TMEM182: variants seen among roughly 807,000 people sequenced by gnomAD.
The protein encoded by TMEM182 is transmembrane protein 182.
In TMEM182, 20 loss-of-function variants were observed where a neutral mutation model predicts 26.8. That is an observed-to-expected ratio of 0.75 (90% CI 0.53 to 1.09). TMEM182 has a LOEUF of 1.09. TMEM182 is among the 50% of genes least tolerant of loss of function. TMEM182 has a pLI of 0.00. For synonymous variants in TMEM182, 109 were observed against 102.2 expected (o/e 1.07, Z -0.40); for missense variants, 277 against 275.5 (o/e 1.01, Z -0.04).
Position 102,816,610 on chromosome 2 carries a change from G to A in TMEM182, c.*1642G>A. The stretch of plus-strand genomic sequence containing the variant: ...AGTGATATCATTGAAACGTTTTTGT[G>A]GTACTTCCCTTTGTCTTTCACTGTT... On this transcript the variant is annotated 3_prime_UTR_variant, in exon 5 of 5. Coordinates refer to ENST00000412401, the MANE Select transcript of TMEM182 (RefSeq NM_144632.5). The A allele has an allele frequency of 1.0e-6, 1 of 985,082 alleles. No individual in the cohort carries two copies. The highest frequency in any genetic ancestry group is 1.2e-6 in the Non-Finnish European group (1 of 829,786). The allele number at this position is 985,082 out of a possible 1,614,324, so 61.0% of individuals were successfully genotyped here.
intron 3 of TMEM182, among the ~76,000 whole-genome samples, chr2:102,833,544 G>A (rs1683188562): frequency 6.6e-6 from 1 of 152,164 alleles, no homozygotes; most frequent in African/African-American, 2.4e-5. Flanking sequence ...GGAAACCATG[G>A]TTCAACTCTC....
chr2:102,739,886 G>A (rs769502978), intron 1 of TMEM182, among the ~76,000 whole-genome samples: 21 of 152,112 alleles, frequency 1.4e-4, no homozygotes, highest in Non-Finnish European at 2.4e-4. Flanking sequence ...GCTGTGTCAT[G>A]AGTGATAAAA....
intron 3 of TMEM182, among the ~76,000 whole-genome samples, chr2:102,764,808 A>G (rs1680362616): frequency 6.6e-6 from 1 of 151,302 alleles, no homozygotes; most frequent in Non-Finnish European, 1.5e-5. Flanking sequence ...ATCATTACAC[A>G]TGAGAATATC....
At chr2:102,812,549 A>G (rs1682594245) in intron 4 of TMEM182, among the ~76,000 whole-genome samples, 1 of 152,144 alleles carries the variant, frequency 6.6e-6, no homozygotes, top group African/African-American at 2.4e-5. Flanking sequence ...CCTTCTTTTA[A>G]ATGGAATTTC....
chr2:102,839,471 A>AAT (rs1553446277), intron 3 of TMEM182, among the ~76,000 whole-genome samples: 1 of 134,888 alleles, frequency 7.4e-6, no homozygotes, highest in Admixed American at 7.5e-5. Context: ...ATATATATAT[A>AAT]ATATATACAC....
At chr2:102,839,334 ATTTCT>A (rs1426031134) in intron 3 of TMEM182, among the ~76,000 whole-genome samples, 2 of 151,736 alleles carry the variant, frequency 1.3e-5, no homozygotes, top group African/African-American at 4.8e-5. Context: ...CTGATTTCCG[ATTTCT>A]TTGCTTTTAG....
chr2:102,798,936 CTAATT>C (rs1335573297), intron 4 of TMEM182, among the ~76,000 whole-genome samples: 1 of 152,062 alleles, frequency 6.6e-6, no homozygotes, highest in Non-Finnish European at 1.5e-5. Flanking sequence ...AGGTTTCTAA[CTAATT>C]TAATTTCTGC....
intron 2 of TMEM182, among the ~76,000 whole-genome samples, chr2:102,763,480 A>G (rs561261849): frequency 2.0e-5 from 3 of 152,226 alleles, no homozygotes; most frequent in Non-Finnish European, 4.4e-5. Flanking sequence ...TGGTATTTAC[A>G]TAATAGTCAG....
intron 1 of TMEM182, among the ~76,000 whole-genome samples, chr2:102,748,643 T>C (rs79130935): frequency 0.012 from 1,856 of 152,330 alleles, 34 homozygotes; most frequent in African/African-American, 0.04. Flanking sequence ...GTTTTCCTGA[T>C]GTAAGATATT....
At chr2:102,828,233 G>T (rs1347367626) in intron 3 of TMEM182, among the ~76,000 whole-genome samples, 1 of 152,168 alleles carries the variant, frequency 6.6e-6, no homozygotes, top group African/African-American at 2.4e-5. Context: ...CCCACTAAAT[G>T]AGTGGTCAAA....
At chr2:102,808,272 A>C (rs1455282394) in intron 4 of TMEM182, among the ~76,000 whole-genome samples, 3 of 152,234 alleles carry the variant, frequency 2.0e-5, no homozygotes, top group Non-Finnish European at 4.4e-5. Flanking sequence ...GAACGATGAA[A>C]GCTGAATGAG....
chr2:102,743,018 TTTTA>T (rs1480966255), intron 1 of TMEM182, among the ~76,000 whole-genome samples: 1 of 152,218 alleles, frequency 6.6e-6, no homozygotes, highest in African/African-American at 2.4e-5. Flanking sequence ...AAATAAGATC[TTTTA>T]TTTTTCTTAT....
intron 4 of TMEM182, among the ~76,000 whole-genome samples, chr2:102,812,298 T>G (rs1682580465): frequency 6.6e-6 from 1 of 152,004 alleles, no homozygotes; most frequent in African/African-American, 2.4e-5. Context: ...GATTAATTCT[T>G]GCTTCCATAT....
At chr2:102,782,784 T>C (rs2732862) in intron 3 of TMEM182, among the ~76,000 whole-genome samples, 85,118 of 152,116 alleles carry the variant, frequency 0.56, 24,760 homozygotes, top group African/African-American at 0.72. Context: ...TTGGTAAGCT[T>C]TATTATTTTA....
chr2:102,760,627 G>GTT (rs574037810), upstream of TMEM182, among the ~76,000 whole-genome samples: 1 of 151,120 alleles, frequency 6.6e-6, no homozygotes, highest in Non-Finnish European at 1.5e-5. Context: ...TTTGTTTTTT[G>GTT]TTTTTTTTGA....
intron 3 of TMEM182, among the ~76,000 whole-genome samples, chr2:102,786,346 C>G (rs544601028): frequency 2.6e-5 from 4 of 152,002 alleles, no homozygotes; most frequent in Admixed American, 1.3e-4. Flanking sequence ...TCCTGAGTAC[C>G]TGGGATTACA....
At chr2:102,739,186 A>G (rs1679475486) in intron 1 of TMEM182, among the ~76,000 whole-genome samples, 1 of 152,194 alleles carries the variant, frequency 6.6e-6, no homozygotes, top group Non-Finnish European at 1.5e-5. Context: ...AACTCAGAAG[A>G]CAAGGTGGAC....
chr2:102,747,599 T>A (rs947566982), intron 1 of TMEM182, among the ~76,000 whole-genome samples: 11 of 152,152 alleles, frequency 7.2e-5, no homozygotes, highest in Non-Finnish European at 4.4e-5. Context: ...GGTCTTCCCA[T>A]GTTTAGTTGA....
At chr2:102,839,447 CTATATATATATA>C (rs10691405) in intron 3 of TMEM182, among the ~76,000 whole-genome samples, 8 of 134,426 alleles carry the variant, frequency 6.0e-5, no homozygotes, top group African/African-American at 2.0e-4. Flanking sequence ...TGATGTTTTG[CTATATATATATA>C]TATATATATA....
Sources: gnomAD v4.1 joint callset for allele counts (sites outside exome capture counted in the v4.1 genomes callset) on GRCh38, gnomAD v4.1.1 for gene constraint, MANE v1.5 for transcripts, NCBI Gene and HGNC (gene_info 2026-07-23, HGNC 2026-07-21) for gene names.